The following ZNF662 variants were observed in gnomAD, a reference collection of about 807,000 sequenced individuals.
ZNF662 encodes zinc finger protein 662.
In ZNF662, 14 loss-of-function variants were observed where a neutral mutation model predicts 12.4. The observed-to-expected ratio is 1.13, with a 90% CI of 0.75 to 1.77. The LOEUF is 1.77. ZNF662 is among the 40% of genes most tolerant of loss of function. The pLI is 0.00. For synonymous variants in ZNF662, 184 were observed against 176.4 expected, an observed-to-expected ratio of 1.04 and a Z score of -0.34; for missense variants, 550 against 515.6, an observed-to-expected ratio of 1.07 and a Z score of -0.65.
chr3:42,908,697 T>C (rs1368414396), intron 2 of ZNF662, 96 bp from the exon 3 acceptor site: 4 of 1,473,544 alleles, frequency 2.7e-6, no homozygotes, highest in African/African-American at 1.4e-5. Context: ...TCCGTTTTTT[T>C]CCCCTCCTAC....
Position 42,915,038 on chromosome 3 carries a change from A to G in ZNF662, c.965A>G (p.His322Arg). ...SFTRNPALLR[H>R]QRMHTGEKPY... is the part of the protein sequence containing the mutation. ...ACTCGAAACCCAGCCCTTCTTCGAC[A>G]TCAGAGAATGCACACTGGGGAGAAG... The change falls in exon 5 of 5, where the codon CAT becomes CGT. Residue 322 changes from histidine (H) to arginine (R), a missense_variant. His to Arg is a conservative substitution (Grantham distance 29). Coordinates refer to ENST00000440367, the MANE Select transcript of ZNF662 (RefSeq NM_207404.4). The G allele has an allele frequency of 6.2e-7, 1 of 1,614,158 alleles. No homozygotes were observed. Among genetic ancestry groups the G allele is most frequent in the Non-Finnish European group, 8.5e-7 (1 of 1,180,036 alleles).
chr3:42,908,707 C>G, intron 2 of ZNF662, 86 bp from the exon 3 acceptor site: 4 of 1,500,318 alleles, frequency 2.7e-6, no homozygotes, highest in Admixed American at 1.9e-5. Context: ...TCCCCTCCTA[C>G]CCCTGAAGAC....
rs2088715131 is a variant in ZNF662, at chr3:42,908,411, T to C, written c.34+263T>C. ...GTGGGTATAGTGAGAAGAGAGCAAA[T>C]TCATGGTGCTCCACTGAGCCTTCAG... On this transcript the variant is annotated intron_variant, in intron 2 of 4. Transcript: ENST00000440367. 7.0e-6 allele frequency: 9 copies of C among 1,279,082 alleles called. No homozygotes were observed. In the South Asian group the frequency reaches 2.3e-4, roughly 33 times the overall value. 79.2% of individuals were successfully genotyped at this position (1,279,082 alleles called of 1,614,324 possible). A position where few individuals can be genotyped will look rare whatever the true frequency, so the allele number is the denominator to read the frequency against.
chr3:42,917,064 A>T lies in ZNF662; in HGVS notation c.*1710A>T, dbSNP rs1055964457. ...CGTCTACACAGGAAAGTAAAGAATT[A>T]TAGAATTAACTAATTCTACTTGAAA... On this transcript the variant is annotated 3_prime_UTR_variant, in exon 5 of 5. Transcript: ENST00000440367. 8.6e-5 allele frequency: 14 copies of T among 163,662 alleles called. No homozygotes were observed. The highest frequency in any genetic ancestry group is 3.9e-5 in the Non-Finnish European group (3 of 76,360). 10.1% of individuals were successfully genotyped at this position (163,662 alleles called of 1,614,324 possible). A position where few individuals can be genotyped will look rare whatever the true frequency, so the allele number is the denominator to read the frequency against.
In ZNF662 at chr3:42,914,862, G is replaced by A. The variant is rs371621248; in HGVS notation, c.789G>A (p.Leu263=). 14 of 1,613,906 alleles carry A rather than the reference G, an allele frequency of 8.7e-6. No homozygotes were observed. The highest frequency in any genetic ancestry group is 1.3e-5 in the African/African-American group (1 of 74,852). Reference sequence around the variant, plus strand: ...AGGCCTTTGTTTGGAAGTCAAACCTGATTCGTCACCAGAGAATACATACTG... The same window carrying A: ...AGGCCTTTGTTTGGAAGTCAAACCTAATTCGTCACCAGAGAATACATACTG... ...CAKAFVWKSN[L]IRHQRIHTGE... is the part of the protein sequence containing the mutation. The change falls in exon 5 of 5, where the codon CTG becomes CTA. Residue 263 remains leucine (L), a synonymous_variant. Coordinates refer to ENST00000440367, the MANE Select transcript of ZNF662 (RefSeq NM_207404.4).
chr3:42,907,480 G>A (rs1336511056), intron 1 of ZNF662: 1 of 159,034 alleles, frequency 6.3e-6, no homozygotes, highest in South Asian at 2.0e-4. Context: ...ACGGAAGGCA[G>A]TGTGGCATAA....
intron 1 of ZNF662, among the ~76,000 whole-genome samples, chr3:42,907,322 A>T (rs892036403): frequency 6.6e-6 from 1 of 152,150 alleles, no homozygotes; most frequent in Non-Finnish European, 1.5e-5. Context: ...GTAAAGTCAC[A>T]ACGAGGATCT....
chr3:42,911,324 A>G (rs902307962), intron 3 of ZNF662, among the ~76,000 whole-genome samples: 3 of 151,454 alleles, frequency 2.0e-5, no homozygotes, highest in African/African-American at 7.3e-5. Flanking sequence ...GGGATACCCA[A>G]CTCCCCACTC....
chr3:42,914,970 T>C lies in ZNF662; in HGVS notation c.897T>C (p.Thr299=). The C allele has an allele frequency of 6.2e-7, 1 of 1,614,210 alleles. No individual in the cohort carries two copies. Among genetic ancestry groups the C allele is most frequent in the African/African-American group, 1.3e-5 (1 of 75,042 alleles). ...TTACGCAACATCAACGGATCCACAC[T>C]GGTGAGAAACCATACACATGTAAGG... is the stretch of plus-strand genomic sequence containing the variant. ...TSLTQHQRIH[T]GEKPYTCKEC... Residue 299 remains threonine (T), a synonymous_variant, in exon 5 of 5, where the codon ACT becomes ACC. Coordinates refer to ENST00000440367, the MANE Select transcript of ZNF662 (RefSeq NM_207404.4).
At position 42,908,088 on chromosome 3, in the gene ZNF662, G is replaced by A. The variant is rs1447174338; in HGVS notation, c.-27G>A. The A allele has an allele frequency of 3.1e-6, 5 of 1,614,060 alleles. No individual in the cohort carries two copies. Among genetic ancestry groups the A allele is most frequent in the Non-Finnish European group, 4.2e-6 (5 of 1,180,016 alleles). On this transcript the variant is annotated 5_prime_UTR_variant, in exon 2 of 5. Coordinates refer to ENST00000440367, the MANE Select transcript of ZNF662 (RefSeq NM_207404.4). ...GAACGAATGGATCGGCCTGGGCCCT[G>A]CTCAGAGAGCCCTGTACAGGGATGT... is the stretch of plus-strand genomic sequence containing the variant.
At chr3:42,909,989 G>A (rs2088758438) in intron 3 of ZNF662, among the ~76,000 whole-genome samples, 1 of 152,174 alleles carries the variant, frequency 6.6e-6, no homozygotes, top group Non-Finnish European at 1.5e-5. Flanking sequence ...CACTTTGGGA[G>A]GCCAAGGAAG....
At chr3:42,907,845 A>T in intron 1 of ZNF662, 177 bp from the exon 2 acceptor site, 5 of 985,434 alleles carry the variant, frequency 5.1e-6, no homozygotes, top group Non-Finnish European at 6.0e-6. Flanking sequence ...TTGATGGCTG[A>T]TGCCTTGTCT....
chr3:42,906,712 G>A lies in ZNF662; in HGVS notation c.-94+544G>A, dbSNP rs1334141519. On this transcript the variant is annotated intron_variant, in intron 1 of 4. Coordinates refer to ENST00000440367, the MANE Select transcript of ZNF662 (RefSeq NM_207404.4). This position sits in a 1 kb window ranked among gnomAD's most constrained non-coding sequence, Gnocchi z 4.4. ...CCAGAATTTCAGAGCTGCCTTTACA[G>A]AGCTGGTTATGTTTGAGCTGGGTAT... Among the ~76,000 whole-genome samples the A allele has an allele frequency of 6.6e-6, 1 of 152,234 alleles. No individual in the cohort carries two copies. The highest frequency in any genetic ancestry group is 1.5e-5 in the Non-Finnish European group (1 of 68,048).
chr3:42,917,413 C>G lies in ZNF662; in HGVS notation c.*2059C>G. The G allele has an allele frequency of 1.5e-6, 1 of 668,516 alleles. No individual in the cohort carries two copies. Among genetic ancestry groups the G allele is most frequent in the Non-Finnish European group, 2.7e-6 (1 of 374,046 alleles). The allele number at this position is 668,516 out of a possible 1,614,324, so 41.4% of individuals were successfully genotyped here. A position where few individuals can be genotyped will look rare whatever the true frequency, so the allele number is the denominator to read the frequency against. ...GTGTGGCACATAGGAAAATGTGAGA[C>G]CTAGAATTATAGCAACTTTTTTTTT... On this transcript the variant is annotated 3_prime_UTR_variant, in exon 5 of 5. Coordinates refer to ENST00000440367, the MANE Select transcript of ZNF662 (RefSeq NM_207404.4).
intron 3 of ZNF662, among the ~76,000 whole-genome samples, chr3:42,911,443 C>G (rs1463020294): frequency 6.6e-6 from 1 of 152,156 alleles, no homozygotes; most frequent in African/African-American, 2.4e-5. Context: ...TCCTCACCAC[C>G]TAAGGGAATT....
rs2088902291 is a variant in ZNF662 at position 42,917,012 on chromosome 3, G to A, written c.*1658G>A. 1 of 153,656 alleles carries A rather than the reference G, an allele frequency of 6.5e-6. No individual in the cohort carries two copies. The highest frequency in any genetic ancestry group is 6.5e-5 in the Admixed American group (1 of 15,326). 9.5% of individuals were successfully genotyped at this position (153,656 alleles called of 1,614,324 possible). On this transcript the variant is annotated 3_prime_UTR_variant, in exon 5 of 5. Transcript: ENST00000440367. ...TGCCCTCCCTAGGTCCAGGACCAAA[G>A]ATAAAACAAACACGAGGAACATGTA...
In ZNF662 at chr3:42,914,530, G is replaced by T. The variant is rs751973173; in HGVS notation, c.457G>T (p.Asp153Tyr). The change falls in exon 5 of 5, where the codon GAT (aspartate) becomes TAT (tyrosine). Residue 153 changes from aspartate (D) to tyrosine (Y), a missense_variant. Coordinates refer to ENST00000440367, the MANE Select transcript of ZNF662 (RefSeq NM_207404.4). The stretch of plus-strand genomic sequence containing the variant: ...GGGACGTATGGAAAGTTCTACAAAT[G>T]ATATTATAGAAGTGATTGTCAAGGA... ...NGGRMESSTN[D>Y]IIEVIVKDEM... 3.1e-6 allele frequency: 5 copies of T among 1,613,858 alleles called. No homozygotes were observed. The East Asian group carries it at 8.9e-5, about 29-fold the overall frequency.
rs1227174565 is a variant in ZNF662, at chr3:42,912,213, AATC to A, written c.152-985_152-983del. On this transcript the variant is annotated intron_variant, in intron 3 of 4. Transcript: ENST00000440367. ...AAATATATGTATATATAAAATATAT[AATC>A]ATATAAATAAAATATATATAAATAT... is the stretch of plus-strand genomic sequence containing the variant. 6 of 138,096 alleles carry A rather than the reference AATC, an allele frequency of 4.3e-5. No individual in the cohort carries two copies. In the East Asian group the frequency reaches 6.1e-4, roughly 14 times the overall value. 8.6% of individuals were successfully genotyped at this position (138,096 alleles called of 1,614,324 possible).
Position 42,919,237 on chromosome 3 carries a change from T to C in ZNF662, c.*3883T>C, listed in dbSNP as rs1261599290. ...TGAGTCTAAAATCTAATGACAAATA[T>C]ATAAGTCTTGAAACATAATTTCTCT... On this transcript the variant is annotated 3_prime_UTR_variant, in exon 5 of 5. Transcript: ENST00000440367. Among the ~76,000 whole-genome samples, 2 of 152,226 alleles carry C rather than the reference T, an allele frequency of 1.3e-5. No homozygotes were observed. Among genetic ancestry groups the C allele is most frequent in the Admixed American group, 1.3e-4 (2 of 15,278 alleles).
Sources: gnomAD v4.1 joint callset for allele counts (sites outside exome capture counted in the v4.1 genomes callset) on GRCh38, gnomAD v4.1.1 for gene constraint, Gnocchi (gnomAD v3.1) non-coding constraint, MANE v1.5 for transcripts, NCBI Gene and HGNC (gene_info 2026-07-23, HGNC 2026-07-21) for gene names.